Variants in CNOT4 observed in about 807,000 individuals in gnomAD.
The protein encoded by CNOT4 is CCR4-associated factor 4.
CNOT4 carries 8 observed loss-of-function variants against 73.8 expected under a neutral mutation model. The observed-to-expected ratio is 0.11, with a 90% confidence interval of 0.06 to 0.20. The LOEUF (loss-of-function observed/expected upper bound fraction) is 0.20. CNOT4 is among the 10% of genes least tolerant of loss of function. The pLI is 1.00. For synonymous variants in CNOT4, 293 were observed against 321.1 expected, an observed-to-expected ratio of 0.91 and a Z score of 0.94; for missense variants, 564 against 883.4, an observed-to-expected ratio of 0.64 and a Z score of 4.58.
intron 7 of CNOT4, among the ~76,000 whole-genome samples, chr7:135,402,608 G>C (rs865990342): frequency 2.8e-4 from 43 of 152,082 alleles, no homozygotes; most frequent in African/African-American, 9.9e-4. Context: ...CTGAAACAAA[G>C]AGAAGAGGAA....
intron 3 of CNOT4, among the ~76,000 whole-genome samples, chr7:135,419,663 C>T (rs1798069260): frequency 6.6e-6 from 1 of 152,050 alleles, no homozygotes. Flanking sequence ...TACTCTCTTT[C>T]AGTAGTCACT....
chr7:135,492,357 T>C (rs1803165331), intron 1 of CNOT4, among the ~76,000 whole-genome samples: 1 of 152,108 alleles, frequency 6.6e-6, no homozygotes, highest in Non-Finnish European at 1.5e-5. Context: ...AAGATTGAGG[T>C]TTTTGCCAAC....
intron 1 of CNOT4, among the ~76,000 whole-genome samples, chr7:135,495,700 AAGAAAGAAAG>A (rs2129487910): frequency 7.6e-5 from 3 of 39,608 alleles, no homozygotes; most frequent in Non-Finnish European, 1.2e-4. Flanking sequence ...AAAAGAAAGA[AAGAAAGAAAG>A]AAAGAAAGAA....
chr7:135,479,960 CTAAT>C (rs141157334), intron 1 of CNOT4, among the ~76,000 whole-genome samples: 3,408 of 152,172 alleles, frequency 0.022, 124 homozygotes, highest in African/African-American at 0.07. Flanking sequence ...TCCTTTAAAA[CTAAT>C]TAAATTCTGA....
At chr7:135,392,706 G>C (rs1369476828) in intron 10 of CNOT4, among the ~76,000 whole-genome samples, 1 of 152,082 alleles carries the variant, frequency 6.6e-6, no homozygotes, top group Non-Finnish European at 1.5e-5. Context: ...CGTGCTACCA[G>C]GCTTATGTAA....
At chr7:135,412,780 C>G (rs1428023075) in intron 6 of CNOT4, among the ~76,000 whole-genome samples, 1 of 151,972 alleles carries the variant, frequency 6.6e-6, no homozygotes, top group Non-Finnish European at 1.5e-5. Flanking sequence ...CAGCAACAAT[C>G]TGAAGTCCTC....
At chr7:135,382,460 T>C (rs1025815524) in intron 10 of CNOT4, among the ~76,000 whole-genome samples, 5 of 152,162 alleles carry the variant, frequency 3.3e-5, no homozygotes, top group African/African-American at 9.7e-5. Context: ...CTTAGAAGCA[T>C]TATCCTTTTT....
chr7:135,462,440 G>C (rs1800933822), intron 1 of CNOT4, among the ~76,000 whole-genome samples: 1 of 152,114 alleles, frequency 6.6e-6, no homozygotes, highest in South Asian at 2.1e-4. Flanking sequence ...AAGAGAAAAG[G>C]GGATAGGAGG....
intron 10 of CNOT4, chr7:135,384,627 T>G: frequency 2.6e-6 from 2 of 763,828 alleles, no homozygotes; most frequent in Non-Finnish European, 4.8e-6. Context: ...TCTCAGGAGC[T>G]TATCTCTTCC....
At chr7:135,443,412 G>C (rs1420805620) in intron 1 of CNOT4, among the ~76,000 whole-genome samples, 1 of 150,606 alleles carries the variant, frequency 6.6e-6, no homozygotes, top group Non-Finnish European at 1.5e-5. Context: ...GACTTGGTAA[G>C]AACACACTAT....
chr7:135,398,175 G>C lies in CNOT4; in HGVS notation c.873C>G (p.Ser291=). The change falls in exon 8 of 12, where the codon TCC becomes TCG. Residue 291 remains serine, a synonymous_variant. Transcript: ENST00000541284. The part of the protein sequence containing the change: ...DSLSIGNGDN[S]QQISNSDTPS... Reference sequence around the variant, plus strand: ...TACTGTATTCAAATCTTACCTGCTGGGAATTATCACCGTTCCCTATACTGA... The same window carrying C: ...TACTGTATTCAAATCTTACCTGCTGCGAATTATCACCGTTCCCTATACTGA... 6.5e-7 allele frequency: 1 copy of C among 1,529,046 alleles called. No homozygotes were observed. The allele number at this position is 1,529,046 out of a possible 1,614,324, so 94.7% of individuals were successfully genotyped here.
At position 135,474,616 on chromosome 7, in the gene CNOT4, T is replaced by C. The variant is rs139601054; in HGVS notation, c.-93+35273A>G. 5.8e-4 allele frequency among the ~76,000 whole-genome samples: 89 copies of C among 152,268 alleles called. 1 individual carries two copies. The East Asian group carries it at 0.017, about 28-fold the overall frequency. On this transcript the variant is annotated intron_variant, in intron 1 of 11. Transcript: ENST00000541284. The stretch of plus-strand genomic sequence containing the variant: ...TTCAAAACACTAGTGCAGTGCATAG[T>C]AGTCTACACAGCCAAATGCTCTGGT...
At chr7:135,381,987 A>C (rs1188665096) in intron 10 of CNOT4, among the ~76,000 whole-genome samples, 1 of 152,186 alleles carries the variant, frequency 6.6e-6, no homozygotes, top group East Asian at 1.9e-4. Flanking sequence ...CTTAGAATAA[A>C]GGTAAAGTGG....
At chr7:135,369,415 A>C (rs1795077989) in intron 10 of CNOT4, among the ~76,000 whole-genome samples, 2 of 152,184 alleles carry the variant, frequency 1.3e-5, no homozygotes, top group South Asian at 4.1e-4. Flanking sequence ...GCAGTCACTG[A>C]GAGACCCAGT....
chr7:135,460,978 T>C (rs1284093184), intron 1 of CNOT4, among the ~76,000 whole-genome samples: 1 of 152,214 alleles, frequency 6.6e-6, no homozygotes, highest in Non-Finnish European at 1.5e-5. Flanking sequence ...CTTTGTTTTG[T>C]TTTTACAAAC....
chr7:135,408,436 T>C (rs975637985), intron 7 of CNOT4, among the ~76,000 whole-genome samples: 4 of 152,198 alleles, frequency 2.6e-5, no homozygotes, highest in African/African-American at 9.6e-5. Flanking sequence ...GAAAAAAGAC[T>C]AAGAAAATAC....
At chr7:135,469,934 G>C (rs571159333) in intron 1 of CNOT4, among the ~76,000 whole-genome samples, 1 of 152,212 alleles carries the variant, frequency 6.6e-6, no homozygotes, top group East Asian at 1.9e-4. Context: ...CAATTCTCCT[G>C]CCTGAGCCTC....
chr7:135,428,361 A>T (rs1452941522), intron 2 of CNOT4, among the ~76,000 whole-genome samples: 1 of 152,220 alleles, frequency 6.6e-6, no homozygotes, highest in Non-Finnish European at 1.5e-5. Flanking sequence ...ATACAACAAC[A>T]TGAGCAACAA....
At chr7:135,470,218 C>T (rs1279780147) in intron 1 of CNOT4, among the ~76,000 whole-genome samples, 1 of 151,974 alleles carries the variant, frequency 6.6e-6, no homozygotes, top group Non-Finnish European at 1.5e-5. Flanking sequence ...CAACCTTGAC[C>T]TCCCAGGCTC....
Sources: gnomAD v4.1 joint callset for allele counts (sites outside exome capture counted in the v4.1 genomes callset) on GRCh38, gnomAD v4.1.1 for gene constraint, MANE v1.5 for transcripts, NCBI Gene and HGNC (gene_info 2026-07-23, HGNC 2026-07-21) for gene names.